ERC2: variants seen among roughly 807,000 people sequenced by gnomAD.
ERC2 encodes ELKS/RAB6-interacting/CAST family member 2, also known as ERC protein 2.
ERC2 carries 42 observed loss-of-function variants against 114.8 expected under a neutral mutation model. That is an observed-to-expected ratio of 0.37 (90% CI 0.29 to 0.47). The LOEUF (loss-of-function observed/expected upper bound fraction) is 0.47. ERC2 is among the 20% of genes least tolerant of loss of function. The pLI is 0.99. For missense variants in ERC2, 939 were observed against 1,150.7 expected (o/e 0.82, Z 2.66); for synonymous variants, 454 against 425.5 (o/e 1.07, Z -0.82).
chr3:55,557,265 G>A (rs2055679772), intron 17 of ERC2, among the ~76,000 whole-genome samples: 1 of 152,188 alleles, frequency 6.6e-6, no homozygotes, highest in African/African-American at 2.4e-5. Context: ...GACAGTGTGA[G>A]CAAAGGTGAG....
chr3:55,669,974 G>GAGT (rs1442155054), intron 17 of ERC2, among the ~76,000 whole-genome samples: 1 of 152,230 alleles, frequency 6.6e-6, no homozygotes, highest in Non-Finnish European at 1.5e-5. Context: ...GATCAATGTA[G>GAGT]AGTAGGTAGT....
chr3:56,316,639 G>C (rs2056877687), intron 2 of ERC2, among the ~76,000 whole-genome samples: 1 of 151,988 alleles, frequency 6.6e-6, no homozygotes, highest in Non-Finnish European at 1.5e-5. Context: ...CATATATACA[G>C]TAAATAACCT....
At chr3:56,142,704 T>G (rs950356291) in intron 5 of ERC2, among the ~76,000 whole-genome samples, 2 of 152,176 alleles carry the variant, frequency 1.3e-5, no homozygotes, top group Admixed American at 1.3e-4. Context: ...ATAGTCTTTT[T>G]CTTATAATTC....
chr3:56,385,752 T>A (rs1407943187), intron 2 of ERC2, among the ~76,000 whole-genome samples: 4 of 152,176 alleles, frequency 2.6e-5, no homozygotes, highest in Admixed American at 2.6e-4. Context: ...TAAACATACA[T>A]ATTCTTTTTA....
At chr3:56,428,291 C>T (rs1007554417) in intron 2 of ERC2, among the ~76,000 whole-genome samples, 1 of 151,960 alleles carries the variant, frequency 6.6e-6, no homozygotes, top group Non-Finnish European at 1.5e-5. Context: ...GAGGCTGAGG[C>T]GGGCGGATCA....
rs188255258 is a variant in ERC2, at chr3:56,056,865, C to T, written c.1641+23952G>A. Among the ~76,000 whole-genome samples the T allele has an allele frequency of 2.6e-3, 399 of 152,248 alleles. 2 individuals carry two copies. Among genetic ancestry groups the T allele is most frequent in the African/African-American group, 9.2e-3 (384 of 41,546 alleles). Reference sequence around the variant, plus strand: ...TTTTTAAAAAAGGATTCATTAGGCGCCAGTTATTGTACTGAGCTCTTTTCA... The same window carrying T: ...TTTTTAAAAAAGGATTCATTAGGCGTCAGTTATTGTACTGAGCTCTTTTCA... On this transcript the variant is annotated intron_variant, in intron 7 of 17. Transcript: ENST00000288221.
chr3:55,613,634 T>G (rs1056948180), intron 17 of ERC2, among the ~76,000 whole-genome samples: 1 of 152,074 alleles, frequency 6.6e-6, no homozygotes, highest in Non-Finnish European at 1.5e-5. Flanking sequence ...TCCTCCTGTT[T>G]GTGTGGGAAG....
At chr3:56,039,030 C>T (rs569564349) in intron 7 of ERC2, among the ~76,000 whole-genome samples, 2 of 152,010 alleles carry the variant, frequency 1.3e-5, no homozygotes, top group South Asian at 4.2e-4. Flanking sequence ...AGTCAAATAC[C>T]CTTTTATTGC....
chr3:55,598,813 T>C (rs2058268087), intron 17 of ERC2, among the ~76,000 whole-genome samples: 1 of 152,220 alleles, frequency 6.6e-6, no homozygotes, highest in African/African-American at 2.4e-5. Context: ...ACAGCATTGA[T>C]TAACAAAGGG....
At chr3:56,318,783 T>TTA (rs112786575) in intron 2 of ERC2, among the ~76,000 whole-genome samples, 2 of 142,952 alleles carry the variant, frequency 1.4e-5, no homozygotes, top group Admixed American at 1.4e-4. Context: ...ATGGCTGTTA[T>TTA]AAAAAAAAAA....
chr3:55,810,064 T>C (rs2059655351), intron 14 of ERC2, among the ~76,000 whole-genome samples: 1 of 152,216 alleles, frequency 6.6e-6, no homozygotes, highest in Non-Finnish European at 1.5e-5. Context: ...CACTGGCATG[T>C]CTACAAATCA....
intron 10 of ERC2, among the ~76,000 whole-genome samples, chr3:56,004,780 T>A (rs1203608350): frequency 6.6e-6 from 1 of 152,026 alleles, no homozygotes; most frequent in African/African-American, 2.4e-5. Context: ...ATAAAACTAT[T>A]ATGTTTTCAG....
intron 2 of ERC2, among the ~76,000 whole-genome samples, chr3:56,382,015 A>C (rs2059770815): frequency 6.6e-6 from 1 of 151,950 alleles, no homozygotes; most frequent in Non-Finnish European, 1.5e-5. Context: ...TTCTCCTTCA[A>C]AGCTTCAGCA....
At chr3:55,765,898 A>G (rs907810454) in intron 14 of ERC2, among the ~76,000 whole-genome samples, 2 of 152,224 alleles carry the variant, frequency 1.3e-5, no homozygotes, top group Non-Finnish European at 2.9e-5. Context: ...TCTCAAAAGA[A>G]AAAAAGAAAT....
At chr3:56,183,794 G>C (rs1297514264) in intron 3 of ERC2, among the ~76,000 whole-genome samples, 1 of 152,136 alleles carries the variant, frequency 6.6e-6, no homozygotes, top group African/African-American at 2.4e-5. Context: ...TGTTGGAGTG[G>C]AAAGAATGCT....
At chr3:56,018,806 A>C in intron 8 of ERC2, 88 bp downstream of exon 8, 1 of 1,425,296 alleles carries the variant, frequency 7.0e-7, no homozygotes, top group Non-Finnish European at 9.6e-7. Flanking sequence ...AAAGAAGAAA[A>C]GCAGGCACAT....
At chr3:56,375,811 T>C (rs1231421902) in intron 2 of ERC2, among the ~76,000 whole-genome samples, 1 of 152,158 alleles carries the variant, frequency 6.6e-6, no homozygotes, top group African/African-American at 2.4e-5. Context: ...AGGAAGTTAT[T>C]AAAAACCATG....
intron 13 of ERC2, among the ~76,000 whole-genome samples, chr3:55,916,102 A>G (rs1446413481): frequency 3.3e-5 from 5 of 152,148 alleles, no homozygotes; most frequent in Non-Finnish European, 7.4e-5. Context: ...AGGAGTGCTA[A>G]GTCCTTCAAC....
intron 3 of ERC2, among the ~76,000 whole-genome samples, chr3:56,193,483 G>A (rs1430491439): frequency 3.3e-5 from 5 of 151,748 alleles, no homozygotes; most frequent in Non-Finnish European, 5.9e-5. Context: ...CTCAAGCCTG[G>A]GTGACCGAGC....
Sources: gnomAD v4.1 joint callset for allele counts (sites outside exome capture counted in the v4.1 genomes callset) on GRCh38, gnomAD v4.1.1 for gene constraint, MANE v1.5 for transcripts, NCBI Gene and HGNC (gene_info 2026-07-23, HGNC 2026-07-21) for gene names.